The following CCDC85C variants were observed in gnomAD, a reference collection of about 807,000 sequenced individuals.
CCDC85C encodes coiled-coil domain-containing protein 85C.
In CCDC85C, 18 loss-of-function variants were observed where a neutral mutation model predicts 38.3. The ratio of observed to expected loss-of-function variants is 0.47; its 90% CI spans 0.33 to 0.70. The LOEUF is 0.70. Ranked by LOEUF, CCDC85C falls within the 30% of genes least tolerant of loss-of-function variation. CCDC85C has a pLI of 0.03. For missense variants in CCDC85C, 566 were observed against 621.2 expected (o/e 0.91, Z 0.94); for synonymous variants, 264 against 293.8 (o/e 0.90, Z 1.04).
At chr14:99,570,924 C>T (rs563515610) in intron 1 of CCDC85C, among the ~76,000 whole-genome samples, 12 of 152,178 alleles carry the variant, frequency 7.9e-5, no homozygotes, top group Non-Finnish European at 1.2e-4. Context: ...TCCCAGTAGG[C>T]GGGGGAAGGC....
rs1273559722 is a variant in CCDC85C, at chr14:99,503,728, G to C, written c.*11518C>G. On this transcript the variant is annotated 3_prime_UTR_variant, in exon 6 of 6. Coordinates refer to ENST00000380243, the MANE Select transcript of CCDC85C (RefSeq NM_001144995.2). The stretch of plus-strand genomic sequence containing the variant: ...TCTTAGCCAACATTGTTTCTTTTCA[G>C]ATCTAAATTGGCCTTAAATCTTAAC... 4.9e-6 allele frequency: 6 copies of C among 1,216,764 alleles called. No individual in the cohort carries two copies. Among genetic ancestry groups the C allele is most frequent in the Non-Finnish European group, 7.0e-6 (6 of 859,800 alleles). 75.4% of individuals were successfully genotyped at this position (1,216,764 alleles called of 1,614,324 possible).
intron 3 of CCDC85C, among the ~76,000 whole-genome samples, chr14:99,519,882 G>A (rs185687285): frequency 1.2e-4 from 18 of 152,232 alleles, no homozygotes; most frequent in South Asian, 4.1e-4. Flanking sequence ...CCAACCAGTC[G>A]GTGGTTGCTG....
chr14:99,590,369 G>A (rs1480311217), intron 1 of CCDC85C, among the ~76,000 whole-genome samples: 1 of 152,214 alleles, frequency 6.6e-6, no homozygotes, highest in Non-Finnish European at 1.5e-5. Context: ...AGCAGGCAGA[G>A]GCATTGGTGG....
chr14:99,548,954 G>C lies in CCDC85C; in HGVS notation c.794-12866C>G, dbSNP rs933809619. ...TGCAAAGCATCCTCACATTGTTAGAGGCTTGCCAGGCAGGAGAAATTTTTA... is the reference window on the plus strand; with the variant it reads ...TGCAAAGCATCCTCACATTGTTAGACGCTTGCCAGGCAGGAGAAATTTTTA... On this transcript the variant is annotated intron_variant, in intron 1 of 5. Coordinates refer to ENST00000380243, the MANE Select transcript of CCDC85C (RefSeq NM_001144995.2). The surrounding 1 kb of genome is among the most constrained non-coding windows in gnomAD (Gnocchi z 4.9). Among the ~76,000 whole-genome samples, 3 of 152,170 alleles carry C rather than the reference G, an allele frequency of 2.0e-5. No homozygotes were observed. Among genetic ancestry groups the C allele is most frequent in the African/African-American group, 7.2e-5 (3 of 41,438 alleles).
In CCDC85C at chr14:99,545,357, A is replaced by T. The variant is rs148587388; in HGVS notation, c.794-9269T>A. 2.6e-5 allele frequency among the ~76,000 whole-genome samples: 4 copies of T among 152,228 alleles called. No homozygotes were observed. In the East Asian group the frequency reaches 7.7e-4, roughly 29 times the overall value. ...GGAAAGCCCCGCTCCGGCTCAGTTC[A>T]TCTAGAATGTGCCCTACTTTGGATC... On this transcript the variant is annotated intron_variant, in intron 1 of 5. Transcript: ENST00000380243. This position sits in a 1 kb window ranked among gnomAD's most constrained non-coding sequence, Gnocchi z 4.7.
At chr14:99,592,211 G>T (rs2055095264) in intron 1 of CCDC85C, among the ~76,000 whole-genome samples, 1 of 152,214 alleles carries the variant, frequency 6.6e-6, no homozygotes, top group African/African-American at 2.4e-5. Context: ...TCATTTAATT[G>T]TAATGAAAGT....
At chr14:99,581,570 G>A (rs552650686) in intron 1 of CCDC85C, among the ~76,000 whole-genome samples, 24 of 152,278 alleles carry the variant, frequency 1.6e-4, no homozygotes, top group African/African-American at 3.4e-4. Context: ...CCCCTGCCTC[G>A]GCCACCGCAC....
At chr14:99,552,756 G>A (rs1039210700) in intron 1 of CCDC85C, among the ~76,000 whole-genome samples, 1 of 152,242 alleles carries the variant, frequency 6.6e-6, no homozygotes, top group Admixed American at 6.5e-5. Context: ...AGTGCAGCTG[G>A]AATCATCGCC....
In CCDC85C at chr14:99,603,940, G is replaced by A. The variant is rs925197448; in HGVS notation, c.20C>T (p.Thr7Met). The A allele has an allele frequency of 8.2e-5, 115 of 1,407,184 alleles. No individual in the cohort carries two copies. Among genetic ancestry groups the A allele is most frequent in the Middle Eastern group, 4.9e-4 (2 of 4,044 alleles). The allele number at this position is 1,407,184 out of a possible 1,614,324, so 87.2% of individuals were successfully genotyped here. MAKPAA[T>M]AAAASEELSQ... is the part of the protein sequence containing the mutation. ...CAGCTCCTCCGACGCCGCCGCCGCC[G>A]TCGCCGCGGGCTTAGCCATGGCGGG... is the stretch of plus-strand genomic sequence containing the variant. Residue 7 changes from threonine to methionine, a missense_variant, in exon 1 of 6, where the codon ACG becomes ATG. Around this residue, in one of 3 missense-constraint regions of CCDC85C, gnomAD observed 269 missense variants for 308.2 expected, o/e 0.87. Transcript: ENST00000380243. The surrounding 1 kb of genome is among the most constrained non-coding windows in gnomAD (Gnocchi z 7.5).
At position 99,505,334 on chromosome 14, in the gene CCDC85C, G is replaced by C. The variant is rs1007073660; in HGVS notation, c.*9912C>G. 2 of 152,222 alleles carry C rather than the reference G, an allele frequency of 1.3e-5. No individual in the cohort carries two copies. The highest frequency in any genetic ancestry group is 6.5e-5 in the Admixed American group (1 of 15,292). The allele number at this position is 152,222 out of a possible 1,614,324, so 9.4% of individuals were successfully genotyped here. A position where few individuals can be genotyped will look rare whatever the true frequency, so the allele number is the denominator to read the frequency against. ...TCAGCTGCACTGTGCCATGCCGAAG[G>C]CTACTGGCTGCAGAGGGCTGCAAGC... On this transcript the variant is annotated 3_prime_UTR_variant, in exon 6 of 6. Transcript: ENST00000380243.
intron 2 of CCDC85C, chr14:99,522,520 C>G (rs80068673): frequency 1.6e-4 from 19 of 118,484 alleles, no homozygotes; most frequent in East Asian, 1.1e-3. Context: ...GAAGAAGAGC[C>G]AGTGAGAGCG....
chr14:99,531,153 GA>G (rs1249386811), intron 2 of CCDC85C, among the ~76,000 whole-genome samples: 1 of 152,122 alleles, frequency 6.6e-6, no homozygotes, highest in Non-Finnish European at 1.5e-5. Flanking sequence ...CGTGGGGGAA[GA>G]GGGGAGAGGA....
chr14:99,581,294 G>A (rs557015666), intron 1 of CCDC85C, among the ~76,000 whole-genome samples: 5 of 152,210 alleles, frequency 3.3e-5, no homozygotes, highest in East Asian at 1.9e-4. Context: ...CCAGAGCCCC[G>A]TGAACAGACC....
At chr14:99,571,725 C>T (rs899743847) in intron 1 of CCDC85C, among the ~76,000 whole-genome samples, 1 of 152,236 alleles carries the variant, frequency 6.6e-6, no homozygotes, top group African/African-American at 2.4e-5. Flanking sequence ...GAATCACATG[C>T]ACAGGGTAAT....
At chr14:99,527,359 G>A (rs1446579699) in intron 2 of CCDC85C, among the ~76,000 whole-genome samples, 1 of 152,214 alleles carries the variant, frequency 6.6e-6, no homozygotes, top group African/African-American at 2.4e-5. Flanking sequence ...AGTGTCTACA[G>A]ACACTTTTTA....
rs541920642 is a variant in CCDC85C at position 99,554,506 on chromosome 14, C to T, written c.794-18418G>A. On this transcript the variant is annotated intron_variant, in intron 1 of 5. Coordinates refer to ENST00000380243, the MANE Select transcript of CCDC85C (RefSeq NM_001144995.2). Reference sequence around the variant, plus strand: ...CTGTGGCAGGCGGGCAGGGGGTAAGCGCATGCTGGCAGCCCGCACATCACT... The same window carrying T: ...CTGTGGCAGGCGGGCAGGGGGTAAGTGCATGCTGGCAGCCCGCACATCACT... Among the ~76,000 whole-genome samples the T allele has an allele frequency of 3.8e-4, 58 of 152,318 alleles. No homozygotes were observed. The South Asian group carries it at 0.012, about 30-fold the overall frequency.
At position 99,595,333 on chromosome 14, in the gene CCDC85C, A is replaced by C. The variant is rs2055132006; in HGVS notation, c.793+7834T>G. 1.3e-5 allele frequency among the ~76,000 whole-genome samples: 2 copies of C among 152,112 alleles called. 1 individual carries two copies. Among genetic ancestry groups the C allele is most frequent in the Non-Finnish European group, 2.9e-5 (2 of 68,024 alleles). On this transcript the variant is annotated intron_variant, in intron 1 of 5. Coordinates refer to ENST00000380243, the MANE Select transcript of CCDC85C (RefSeq NM_001144995.2). ...TGCAGTGGCGCGATGGCTCACTGCA[A>C]CCTCTGCCTCCTGGGTTCAAGAGAT...
chr14:99,529,061 G>A (rs1156536758), intron 2 of CCDC85C, among the ~76,000 whole-genome samples: 3 of 152,196 alleles, frequency 2.0e-5, no homozygotes, highest in African/African-American at 4.8e-5. Context: ...TCAGCTGGGG[G>A]TCCAGAGACA....
Position 99,507,223 on chromosome 14 carries a change from T to C in CCDC85C, c.*8023A>G. ...GTTGGACGCAGCAGGTCCTGGGAAC[T>C]TAGAAAAGGGAGACTGGGGCCCAGA... On this transcript the variant is annotated 3_prime_UTR_variant, in exon 6 of 6. Coordinates refer to ENST00000380243, the MANE Select transcript of CCDC85C (RefSeq NM_001144995.2). The C allele has an allele frequency of 1.1e-6, 1 of 903,118 alleles. No homozygotes were observed. The highest frequency in any genetic ancestry group is 2.4e-5 in the East Asian group (1 of 41,660). 55.9% of individuals were successfully genotyped at this position (903,118 alleles called of 1,614,324 possible).
Sources: allele counts gnomAD v4.1 joint callset (sites outside exome capture counted in the v4.1 genomes callset), GRCh38; gene constraint gnomAD v4.1.1; regional missense constraint gnomAD v4.1.1; non-coding constraint Gnocchi (gnomAD v3.1); transcripts MANE v1.5; gene names NCBI Gene and HGNC (gene_info 2026-07-23, HGNC 2026-07-21).